The following MAP2 variants were observed in gnomAD, a reference collection of about 807,000 sequenced individuals.
MAP2 encodes microtubule associated protein 2.
Under a neutral mutation model 137.6 loss-of-function variants are expected in MAP2, and 14 were observed. The ratio of observed to expected loss-of-function variants is 0.10; its 90% CI spans 0.07 to 0.16. The LOEUF (loss-of-function observed/expected upper bound fraction) is 0.16, where lower values mean the gene tolerates loss of function less well. Among genes scored for constraint, MAP2 ranks in the 10% least tolerant of loss-of-function variants. MAP2 has a pLI of 1.00. For missense variants in MAP2, 2,088 were observed against 2,191.5 expected, an observed-to-expected ratio of 0.95 and a Z score of 0.94; for synonymous variants, 786 against 782.3, an observed-to-expected ratio of 1.00 and a Z score of -0.08.
rs2710483 is a variant in MAP2 at position 209,656,168 on chromosome 2, A to G, written c.262+2736A>G. ...CAAACCCATAGTCAGTGTATCCTTG[A>G]TCTTATGCACTGACACCAGAGGGTG... is the stretch of plus-strand genomic sequence containing the variant. On this transcript the variant is annotated intron_variant, in intron 5 of 15. Coordinates refer to ENST00000682079, the MANE Select transcript of MAP2 (RefSeq NM_001375505.1). 8.7e-3 allele frequency among the ~76,000 whole-genome samples: 1,323 copies of G among 152,156 alleles called. 16 individuals are homozygous for G. Among genetic ancestry groups the G allele is most frequent in the African/African-American group, 0.029 (1,184 of 41,494 alleles).
At chr2:209,564,508 A>T (rs1485474329) in intron 2 of MAP2, among the ~76,000 whole-genome samples, 1 of 149,178 alleles carries the variant, frequency 6.7e-6, no homozygotes. Context: ...GAGTAGAATT[A>T]CACAAAGGTG....
chr2:209,512,788 C>T (rs1011213023), intron 2 of MAP2, among the ~76,000 whole-genome samples: 5 of 152,002 alleles, frequency 3.3e-5, no homozygotes, highest in African/African-American at 1.2e-4. Context: ...ACTGTGGTAG[C>T]ATGCACCAGC....
intron 4 of MAP2, among the ~76,000 whole-genome samples, chr2:209,626,424 A>G (rs2092333598): frequency 1.3e-5 from 2 of 152,166 alleles, no homozygotes; most frequent in African/African-American, 4.8e-5. Context: ...AAAAAAGTAT[A>G]TATATTACAG....
chr2:209,665,600 C>T (rs749102914), intron 5 of MAP2, among the ~76,000 whole-genome samples: 3 of 152,110 alleles, frequency 2.0e-5, no homozygotes, highest in African/African-American at 4.8e-5. Flanking sequence ...ATACCAGTAT[C>T]GTCTTGGAAA....
At chr2:209,568,768 C>A (rs2073914153) in intron 2 of MAP2, among the ~76,000 whole-genome samples, 3 of 151,810 alleles carry the variant, frequency 2.0e-5, no homozygotes, top group Admixed American at 6.6e-5. Flanking sequence ...AATGAAGGTT[C>A]ATTTCCTGCT....
chr2:209,566,913 T>A (rs2073544874), intron 2 of MAP2, among the ~76,000 whole-genome samples: 1 of 152,070 alleles, frequency 6.6e-6, no homozygotes, highest in African/African-American at 2.4e-5. Context: ...CAAAATAAAA[T>A]AAGAAATTAT....
chr2:209,508,450 G>A (rs2061337456), intron 2 of MAP2, among the ~76,000 whole-genome samples: 1 of 151,684 alleles, frequency 6.6e-6, no homozygotes, highest in Non-Finnish European at 1.5e-5. Flanking sequence ...TCCCTTTAAA[G>A]CCCATGTTTA....
intron 4 of MAP2, among the ~76,000 whole-genome samples, chr2:209,652,485 T>TA: frequency 6.6e-6 from 1 of 152,216 alleles, no homozygotes; most frequent in Non-Finnish European, 1.5e-5. Context: ...TCTTTTTTTT[T>TA]ATTATACTTT....
intron 3 of MAP2, among the ~76,000 whole-genome samples, chr2:209,607,365 C>G (rs1359854041): frequency 1.3e-5 from 2 of 152,158 alleles, no homozygotes; most frequent in East Asian, 3.9e-4. Flanking sequence ...TCATCCCAAA[C>G]AGATTTTGAA....
intron 7 of MAP2, among the ~76,000 whole-genome samples, chr2:209,683,213 C>T (rs1237230320): frequency 6.6e-6 from 1 of 152,104 alleles, no homozygotes; most frequent in Non-Finnish European, 1.5e-5. Flanking sequence ...CCAGAGTTCC[C>T]TAATATTTTG....
intron 1 of MAP2, among the ~76,000 whole-genome samples, chr2:209,497,436 GA>G (rs1266359791): frequency 6.6e-6 from 1 of 152,148 alleles, no homozygotes; most frequent in Non-Finnish European, 1.5e-5. Context: ...CCAGAACTGT[GA>G]AAAAGTAAAT....
chr2:209,702,741 T>TA (rs1201995750), intron 11 of MAP2, among the ~76,000 whole-genome samples: 1 of 151,880 alleles, frequency 6.6e-6, no homozygotes, highest in Non-Finnish European at 1.5e-5. Flanking sequence ...GTAGGATCAA[T>TA]AAAAAAAGAA....
At chr2:209,533,440 A>G (rs1296599338) in intron 2 of MAP2, among the ~76,000 whole-genome samples, 1 of 152,132 alleles carries the variant, frequency 6.6e-6, no homozygotes, top group African/African-American at 2.4e-5. Flanking sequence ...ATGTTTTTAA[A>G]TATTGTTTTT....
chr2:209,476,550 G>A (rs1016427804), intron 1 of MAP2, among the ~76,000 whole-genome samples: 4 of 152,246 alleles, frequency 2.6e-5, no homozygotes, highest in Admixed American at 2.6e-4. Context: ...TGGGCAGAAA[G>A]CCCAATGTAA....
chr2:209,506,068 GC>G lies in MAP2; in HGVS notation c.-221-1523del, dbSNP rs1441192758. Among the ~76,000 whole-genome samples the G allele has an allele frequency of 2.0e-5, 3 of 152,054 alleles. No homozygotes were observed. The East Asian group carries it at 5.8e-4, about 29-fold the overall frequency. On this transcript the variant is annotated intron_variant, in intron 1 of 15. Transcript: ENST00000682079. ...CACCATGACAGTTAGAGAGTTGTTG[GC>G]TTTATAGCCAAAAAATAATATTTGT...
intron 3 of MAP2, among the ~76,000 whole-genome samples, chr2:209,609,853 A>T (rs566386474): frequency 1.3e-5 from 2 of 152,100 alleles, no homozygotes; most frequent in Non-Finnish European, 2.9e-5. Flanking sequence ...TTACATAGTT[A>T]TTGTATTTCT....
chr2:209,495,266 G>A (rs943085912), intron 1 of MAP2, among the ~76,000 whole-genome samples: 1 of 152,230 alleles, frequency 6.6e-6, no homozygotes, highest in Non-Finnish European at 1.5e-5. Flanking sequence ...AGCTTCAGCC[G>A]ACTTAAACGT....
intron 2 of MAP2, among the ~76,000 whole-genome samples, chr2:209,541,322 C>T (rs1559297807): frequency 6.6e-6 from 1 of 151,210 alleles, no homozygotes; most frequent in African/African-American, 2.5e-5. Flanking sequence ...GAGCCACCCG[C>T]GCCTGGCCCT....
intron 9 of MAP2, 42 bp downstream of exon 9, chr2:209,696,790 ATTCATTATTACTTT>A (rs1164692090): frequency 1.3e-6 from 2 of 1,574,500 alleles, no homozygotes; most frequent in African/African-American, 2.8e-5. Flanking sequence ...TTTTGAAGTA[ATTCATTATTACTTT>A]TTTGCAGAAC....
Sources: gnomAD v4.1 joint callset for allele counts (sites outside exome capture counted in the v4.1 genomes callset) on GRCh38, gnomAD v4.1.1 for gene constraint, MANE v1.5 for transcripts, NCBI Gene and HGNC (gene_info 2026-07-23, HGNC 2026-07-21) for gene names.